The following DNAH14 variants were observed in gnomAD, a reference collection of about 807,000 sequenced individuals.
DNAH14 encodes axonemal beta dynein heavy chain 14.
In DNAH14, 478 loss-of-function variants were observed where a neutral mutation model predicts 520.9. That is an observed-to-expected ratio of 0.92 (90% CI 0.85 to 0.99). The LOEUF is 0.99. Ranked by LOEUF, DNAH14 falls within the 50% of genes least tolerant of loss-of-function variation. The pLI, the probability that DNAH14 is intolerant of heterozygous loss-of-function variation, is 0.00. For synonymous variants in DNAH14, 1,581 were observed against 1,757.2 expected (o/e 0.90, Z 2.51); for missense variants, 4,831 against 5,234.5 (o/e 0.92, Z 2.38).
At chr1:225,362,339 C>T (rs1372278034) in intron 75 of DNAH14, among the ~76,000 whole-genome samples, 3 of 152,170 alleles carry the variant, frequency 2.0e-5, no homozygotes, top group East Asian at 1.9e-4. Context: ...CTTTGGGAGG[C>T]CAAGGCAGGC....
chr1:225,233,772 C>G (rs958793142), intron 42 of DNAH14, among the ~76,000 whole-genome samples: 2 of 152,262 alleles, frequency 1.3e-5, no homozygotes, highest in East Asian at 3.9e-4. Context: ...TTTTGCTGTG[C>G]AGATGCTCTT....
rs201526391 is a variant in DNAH14 at position 225,240,647 on chromosome 1, T to G, written c.6573T>G (p.Ile2191Met). 1 of 1,550,718 alleles carries G rather than the reference T, an allele frequency of 6.4e-7. No homozygotes were observed. Among genetic ancestry groups the G allele is most frequent in the Admixed American group, 2.0e-5 (1 of 50,994 alleles). Residue 2191 changes from isoleucine to methionine, a missense_variant, in exon 43 of 86, where the codon ATT becomes ATG. Physicochemically the swap from Ile to Met is conservative, Grantham distance 10. Coordinates refer to ENST00000682510, the MANE Select transcript of DNAH14 (RefSeq NM_001367479.1). ...ATCCTGATAAATTAACAAAAATTATTCAAAAGCTTTTTGTGTTTGCCTTTA... is the reference window on the plus strand; with the variant it reads ...ATCCTGATAAATTAACAAAAATTATGCAAAAGCTTTTTGTGTTTGCCTTTA... ...EKNPDKLTKI[I>M]QKLFVFAFTW...
chr1:225,340,723 TAGTA>T, intron 69 of DNAH14, 22 bp downstream of exon 69: 1 of 1,543,820 alleles, frequency 6.5e-7, no homozygotes, highest in South Asian at 1.2e-5. Flanking sequence ...TATTTAGTGA[TAGTA>T]AGAGATCTTT....
chr1:225,350,441 A>AG (rs1343058497), intron 71 of DNAH14, among the ~76,000 whole-genome samples: 2 of 152,014 alleles, frequency 1.3e-5, no homozygotes, highest in Admixed American at 6.6e-5. Flanking sequence ...AATAGAGAAT[A>AG]GAAAAAAAAT....
intron 33 of DNAH14, among the ~76,000 whole-genome samples, chr1:225,153,541 TTTG>T (rs150324323): frequency 0.026 from 4,009 of 152,186 alleles, 153 homozygotes; most frequent in African/African-American, 0.08. Context: ...ACCTTTAATA[TTTG>T]TTAGTCTTTA....
chr1:225,336,880 C>T (rs1038544037), intron 66 of DNAH14, among the ~76,000 whole-genome samples: 4 of 152,026 alleles, frequency 2.6e-5, no homozygotes, highest in African/African-American at 7.2e-5. Context: ...TTGGTAGGTG[C>T]GAAATAGACT....
chr1:225,381,364 AT>A lies in DNAH14; in HGVS notation c.12881-16del. ...TTAATCTGTAAAATATCAAAATTTT[AT>A]TTCTTTTTAAAATCCAGATCACGAC... On this transcript the variant is annotated intron_variant, in intron 80 of 85. Transcript: ENST00000682510. 4 of 1,524,176 alleles carry A rather than the reference AT, an allele frequency of 2.6e-6. No individual in the cohort carries two copies. The highest frequency in any genetic ancestry group is 3.5e-6 in the Non-Finnish European group (4 of 1,140,512). The allele number at this position is 1,524,176 out of a possible 1,614,324, so 94.4% of individuals were successfully genotyped here. A position where few individuals can be genotyped will look rare whatever the true frequency, so the allele number is the denominator to read the frequency against.
intron 8 of DNAH14, among the ~76,000 whole-genome samples, chr1:224,990,364 C>T (rs1273991123): frequency 6.6e-6 from 1 of 152,116 alleles, no homozygotes; most frequent in Non-Finnish European, 1.5e-5. Context: ...GTACAGTACA[C>T]ACCATTATTA....
rs758671845 is a variant in DNAH14 at position 224,967,409 on chromosome 1, A to AT, written c.499-20dup. On this transcript the variant is annotated intron_variant, in intron 5 of 85. Coordinates refer to ENST00000682510, the MANE Select transcript of DNAH14 (RefSeq NM_001367479.1). ...TTAGTCAAATTAATTAAATTTGTTT[A>AT]TTATTTTTTTTTTAATCTCAGAAAC... The AT allele has an allele frequency of 7.3e-5, 101 of 1,377,200 alleles. No homozygotes were observed. The African/African-American group carries it at 1.3e-3, about 18-fold the overall frequency. 85.3% of individuals were successfully genotyped at this position (1,377,200 alleles called of 1,614,324 possible). A position where few individuals can be genotyped will look rare whatever the true frequency, so the allele number is the denominator to read the frequency against.
At chr1:225,229,515 AC>A (rs2149558047) in intron 41 of DNAH14, among the ~76,000 whole-genome samples, 1 of 152,320 alleles carries the variant, frequency 6.6e-6, no homozygotes, top group South Asian at 2.1e-4. Context: ...CTTGGAACCA[AC>A]CCAAATGCCC....
chr1:225,207,196 G>A lies in DNAH14; in HGVS notation c.6415G>A (p.Gly2139Ser). 6.6e-7 allele frequency: 1 copy of A among 1,526,622 alleles called. No individual in the cohort carries two copies. The highest frequency in any genetic ancestry group is 2.5e-5 in the East Asian group (1 of 40,038). 94.6% of individuals were successfully genotyped at this position (1,526,622 alleles called of 1,614,324 possible). ...TCTTGATGCTTTCTTTGACTTCATG[G>A]GTAAAAATGGAGGATTTGAACAAAG... ...RILDAFFDFM[G>S]KNGGFEQSDD... is the part of the protein sequence containing the mutation. Residue 2139 changes from glycine (G) to serine (S), a missense_variant, in exon 41 of 86, where the codon GGT becomes AGT. Gly to Ser is a moderately conservative substitution (Grantham distance 56, BLOSUM62 0). Transcript: ENST00000682510.
chr1:225,043,253 G>T, intron 13 of DNAH14, 139 bp downstream of exon 13: 2 of 247,680 alleles, frequency 8.1e-6, no homozygotes, highest in Non-Finnish European at 7.0e-6. Flanking sequence ...AACACAGTGA[G>T]ACCTTGTCTC....
intron 58 of DNAH14, 40 bp from the exon 59 acceptor site, chr1:225,307,416 ATTGTG>A: frequency 7.7e-7 from 1 of 1,294,312 alleles, no homozygotes; most frequent in Non-Finnish European, 1.1e-6. Flanking sequence ...TATTTGCTAA[ATTGTG>A]TTATATCTTA....
In DNAH14 at chr1:225,184,735, G is replaced by A. The variant is rs979599569; in HGVS notation, c.5536-556G>A. On this transcript the variant is annotated intron_variant, in intron 36 of 85. Coordinates refer to ENST00000682510, the MANE Select transcript of DNAH14 (RefSeq NM_001367479.1). ...AAGTCTCAACAAACTAGGCATCAAAGGAACATATCTTAAAAAAAAGAGAGA... is the reference window on the plus strand; with the variant it reads ...AAGTCTCAACAAACTAGGCATCAAAAGAACATATCTTAAAAAAAAGAGAGA... Among the ~76,000 whole-genome samples the A allele has an allele frequency of 1.0e-4, 15 of 148,948 alleles. No homozygotes were observed. In the East Asian group the frequency reaches 3.0e-3, roughly 29 times the overall value.
intron 47 of DNAH14, 113 bp from the exon 48 acceptor site, chr1:225,265,068 AC>A (rs1432034003): frequency 9.1e-6 from 7 of 773,060 alleles, no homozygotes; most frequent in Non-Finnish European, 1.2e-5. Context: ...CTTGAAAATG[AC>A]AACAAAATAG....
Position 225,141,020 on chromosome 1 carries a change from A to C in DNAH14, c.4507A>C (p.Arg1503=), listed in dbSNP as rs1164813226. Residue 1503 remains arginine (R), a splice_region_variant and synonymous_variant, in exon 28 of 86, where the codon AGA becomes CGA. Coordinates refer to ENST00000682510, the MANE Select transcript of DNAH14 (RefSeq NM_001367479.1). ...IFNAEDFEWT[R]HLQYKWNEKQ... ...CAATGCAGAGGATTTTGAGTGGACA[A>C]GGTAGGTGGATCTAAATTATAACTA... is the stretch of plus-strand genomic sequence containing the variant. The C allele has an allele frequency of 1.2e-5, 18 of 1,535,712 alleles. No individual in the cohort carries two copies. The highest frequency in any genetic ancestry group is 1.5e-5 in the Non-Finnish European group (17 of 1,137,742).
At position 225,377,456 on chromosome 1, in the gene DNAH14, A is replaced by G. The variant is rs1298877671; in HGVS notation, c.12716+20A>G. On this transcript the variant is annotated intron_variant, in intron 79 of 85. Coordinates refer to ENST00000682510, the MANE Select transcript of DNAH14 (RefSeq NM_001367479.1). ...GATCAGGTAAGAACTCGCTAGGAAAAATTGTTGGTCAAAAATTATCAGGCT... is the reference window on the plus strand; with the variant it reads ...GATCAGGTAAGAACTCGCTAGGAAAGATTGTTGGTCAAAAATTATCAGGCT... 13 of 1,528,218 alleles carry G rather than the reference A, an allele frequency of 8.5e-6. No individual in the cohort carries two copies. The Admixed American group carries it at 1.3e-4, about 15-fold the overall frequency. 94.7% of individuals were successfully genotyped at this position (1,528,218 alleles called of 1,614,324 possible).
chr1:225,391,686 G>A (rs1018331368), intron 83 of DNAH14, among the ~76,000 whole-genome samples: 2 of 152,092 alleles, frequency 1.3e-5, no homozygotes, highest in African/African-American at 4.8e-5. Flanking sequence ...GGTGGCTGCT[G>A]GCGTCATTCA....
chr1:225,146,880 G>C (rs962157541), intron 30 of DNAH14, among the ~76,000 whole-genome samples: 1 of 138,992 alleles, frequency 7.2e-6, no homozygotes, highest in South Asian at 2.2e-4. Context: ...ATCAGAGTTT[G>C]CTCTGCTGAG....
Sources: allele counts gnomAD v4.1 joint callset (sites outside exome capture counted in the v4.1 genomes callset), GRCh38; gene constraint gnomAD v4.1.1; transcripts MANE v1.5; gene names NCBI Gene and HGNC (gene_info 2026-07-23, HGNC 2026-07-21).